The following ZNF721 variants were observed in gnomAD, a reference collection of about 807,000 sequenced individuals.
The protein encoded by ZNF721 is zinc finger protein 721.
Under a neutral mutation model 2.4 loss-of-function variants are expected in ZNF721, and 2 were observed. That is an observed-to-expected ratio of 0.82 (90% CI 0.34 to 2.58). The LOEUF is 2.58. ZNF721 is among the 30% of genes most tolerant of loss of function. The pLI, the probability that ZNF721 is intolerant of heterozygous loss-of-function variation, is 0.11. For synonymous variants in ZNF721, 398 were observed against 381.8 expected (o/e 1.04, Z -0.50); for missense variants, 1,187 against 1,085.5 (o/e 1.09, Z -1.31).
chr4:475,726 T>G (rs933466002), intron 1 of ZNF721, among the ~76,000 whole-genome samples: 1 of 152,068 alleles, frequency 6.6e-6, no homozygotes, highest in African/African-American at 2.4e-5. Flanking sequence ...AGTACAAGAA[T>G]GGCCAACCTC....
At chr4:482,136 T>G (rs1454012521) in intron 1 of ZNF721, among the ~76,000 whole-genome samples, 3 of 152,198 alleles carry the variant, frequency 2.0e-5, no homozygotes, top group African/African-American at 7.2e-5. Flanking sequence ...ATATTGCACA[T>G]GCATTTTGAT....
chr4:470,787 C>A (rs1553867539), intron 2 of ZNF721, among the ~76,000 whole-genome samples: 1 of 151,882 alleles, frequency 6.6e-6, no homozygotes, highest in Non-Finnish European at 1.5e-5. Context: ...ATTTGGGAGG[C>A]CAAGAGATCG....
intron 2 of ZNF721, among the ~76,000 whole-genome samples, chr4:464,460 C>T (rs1424886608): frequency 8.3e-6 from 1 of 121,036 alleles, no homozygotes; most frequent in Non-Finnish European, 1.6e-5. Context: ...CAGAGCGAGA[C>T]TCCACCTCAA....
intron 2 of ZNF721, among the ~76,000 whole-genome samples, chr4:472,193 C>T (rs1282636529): frequency 5.3e-5 from 8 of 152,210 alleles, no homozygotes; most frequent in Non-Finnish European, 1.0e-4. Context: ...TCCCAAGTAG[C>T]TGGATTACAG....
At chr4:493,316 A>G in intron 1 of ZNF721, among the ~76,000 whole-genome samples, 1 of 152,232 alleles carries the variant, frequency 6.6e-6, no homozygotes, top group East Asian at 1.9e-4. Flanking sequence ...AGATGGTAAC[A>G]GTCCTTTCTC....
chr4:469,786 G>A (rs782699585), intron 2 of ZNF721, among the ~76,000 whole-genome samples: 20 of 152,140 alleles, frequency 1.3e-4, no homozygotes, highest in South Asian at 2.1e-4. Context: ...CAAGGTCAAC[G>A]AATTTTGGCA....
chr4:494,613 GA>G (rs1472031597), intron 1 of ZNF721, among the ~76,000 whole-genome samples: 1 of 152,130 alleles, frequency 6.6e-6, no homozygotes, highest in Non-Finnish European at 1.5e-5. Flanking sequence ...CATAAGAAAG[GA>G]AACAACTCAG....
chr4:467,037 T>C (rs1008934728), intron 2 of ZNF721, among the ~76,000 whole-genome samples: 4 of 151,810 alleles, frequency 2.6e-5, no homozygotes, highest in Non-Finnish European at 5.9e-5. Context: ...GCTAACACGG[T>C]GAAACCCCGT....
chr4:497,922 C>A (rs1553872920), intron 1 of ZNF721, among the ~76,000 whole-genome samples: 1 of 137,782 alleles, frequency 7.3e-6, no homozygotes, highest in Non-Finnish European at 1.6e-5. Flanking sequence ...AAAAAAAAAA[C>A]AGGCCGGGCG....
At chr4:456,816 T>C (rs186097062) in intron 2 of ZNF721, among the ~76,000 whole-genome samples, 1 of 152,180 alleles carries the variant, frequency 6.6e-6, no homozygotes, top group East Asian at 1.9e-4. Context: ...GAGGCGGAGG[T>C]TGCAGTGAGC....
intron 2 of ZNF721, among the ~76,000 whole-genome samples, chr4:469,758 G>A (rs553587882): frequency 1.2e-4 from 18 of 152,274 alleles, no homozygotes; most frequent in African/African-American, 3.8e-4. Flanking sequence ...AGAGAGCCCA[G>A]AAACAAATCC....
At chr4:498,177 C>T (rs144535615) in intron 1 of ZNF721, among the ~76,000 whole-genome samples, 1 of 143,546 alleles carries the variant, frequency 7.0e-6, no homozygotes, top group East Asian at 2.0e-4. Context: ...TGCATTCCAG[C>T]CTGGGCGACA....
intron 2 of ZNF721, 109 bp from the exon 3 acceptor site, chr4:444,541 A>G: frequency 9.0e-7 from 1 of 1,112,960 alleles, no homozygotes; most frequent in Non-Finnish European, 1.2e-6. Flanking sequence ...ATAACAAAAT[A>G]CCACAAGTCA....
In ZNF721 at chr4:443,275, A is replaced by C; in HGVS notation, c.1192T>G (p.Phe398Val). 3 of 1,614,008 alleles carry C rather than the reference A, an allele frequency of 1.9e-6. No individual in the cohort carries two copies. The highest frequency in any genetic ancestry group is 2.5e-6 in the Non-Finnish European group (3 of 1,179,982). The change falls in exon 3 of 3, where the codon TTT becomes GTT. Residue 398 changes from phenylalanine (F) to valine (V), a missense_variant. Transcript: ENST00000511833. ...PYKCEECGKA[F>V]NSSTNLTAHK... is the part of the protein sequence containing the mutation. ...GCAGTAAGGTTTGTTGAACTATTAA[A>C]GGCTTTGCCACACTCTTCACATTTG...
chr4:443,409 C>A lies in ZNF721; in HGVS notation c.1058G>T (p.Arg353Ile), dbSNP rs781992777. Residue 353 changes from arginine to isoleucine, a missense_variant, in exon 3 of 3, where the codon AGA (arginine) becomes ATA (isoleucine). Arg to Ile is a moderately conservative substitution (Grantham distance 97). Coordinates refer to ENST00000511833, the MANE Select transcript of ZNF721 (RefSeq NM_133474.4). ...RQSANLYVHR[R>I]IHTGEKPYKC... ...GTAAGGTTTCTCTCCAGTATGAATT[C>A]TCCTATGTACGTAAAGGTTTGCGGA... The A allele has an allele frequency of 2.5e-6, 4 of 1,612,164 alleles. No homozygotes were observed. In the Admixed American group the frequency reaches 5.0e-5, roughly 20 times the overall value.
chr4:470,658 G>A (rs1553867485), intron 2 of ZNF721, among the ~76,000 whole-genome samples: 1 of 152,066 alleles, frequency 6.6e-6, no homozygotes, highest in Non-Finnish European at 1.5e-5. Flanking sequence ...AGATTGCAGT[G>A]AGCCGAGATC....
intron 1 of ZNF721, among the ~76,000 whole-genome samples, chr4:498,827 CGATT>C (rs1716480865): frequency 6.6e-6 from 1 of 151,116 alleles, no homozygotes. Flanking sequence ...CAGGTTCAAG[CGATT>C]CTCCTGCCTC....
chr4:446,136 T>C (rs1008024511), intron 2 of ZNF721, among the ~76,000 whole-genome samples: 11 of 147,790 alleles, frequency 7.4e-5, no homozygotes, highest in African/African-American at 1.7e-4. Context: ...AATAACATAA[T>C]GCAAGAAAAC....
intron 1 of ZNF721, among the ~76,000 whole-genome samples, chr4:493,680 C>A (rs1466162148): frequency 1.7e-5 from 1 of 60,444 alleles, no homozygotes; most frequent in Admixed American, 2.4e-4. Context: ...TTCCATCCCC[C>A]CCGCAAAAAA....
Sources: gnomAD v4.1 joint callset for allele counts (sites outside exome capture counted in the v4.1 genomes callset) on GRCh38, gnomAD v4.1.1 for gene constraint, MANE v1.5 for transcripts, NCBI Gene and HGNC (gene_info 2026-07-23, HGNC 2026-07-21) for gene names.